FBXO16: variants seen among roughly 807,000 people sequenced by gnomAD.
The protein encoded by FBXO16 is F-box protein 16.
A neutral mutation model predicts 41.0 loss-of-function variants in FBXO16; 31 were observed. That is an observed-to-expected ratio of 0.76 (90% CI 0.57 to 1.02). The LOEUF is 1.02. Ranked by LOEUF, FBXO16 falls within the 50% of genes least tolerant of loss-of-function variation. FBXO16 has a pLI of 0.00. For synonymous variants in FBXO16, 133 were observed against 117.8 expected (o/e 1.13, Z -0.84); for missense variants, 361 against 346.2 (o/e 1.04, Z -0.34).
chr8:28,439,214 C>T (rs1473459668), intron 7 of FBXO16, among the ~76,000 whole-genome samples: 1 of 151,996 alleles, frequency 6.6e-6, no homozygotes, highest in Non-Finnish European at 1.5e-5. Context: ...TGTCATTATT[C>T]CCATTTTACA....
intron 6 of FBXO16, among the ~76,000 whole-genome samples, chr8:28,448,340 C>CAAAAAAAAAAAAAAAAAA (rs56323338): frequency 2.0e-5 from 1 of 49,866 alleles, no homozygotes; most frequent in Non-Finnish European, 4.2e-5. Flanking sequence ...GACCCTAAAT[C>CAAAAAAAAAAAAAAAAAA]AAAAAAAAAA....
intron 6 of FBXO16, among the ~76,000 whole-genome samples, chr8:28,451,516 T>C (rs1182651960): frequency 1.3e-5 from 2 of 151,322 alleles, no homozygotes; most frequent in East Asian, 3.9e-4. Flanking sequence ...CATGCCACCT[T>C]ACTCAGCTTT....
intron 1 of FBXO16, among the ~76,000 whole-genome samples, chr8:28,489,739 A>G (rs1197651624): frequency 6.6e-6 from 1 of 151,894 alleles, no homozygotes; most frequent in Non-Finnish European, 1.5e-5. Flanking sequence ...ACCCTTGTAG[A>G]ATTGTAGAAA....
intron 7 of FBXO16, among the ~76,000 whole-genome samples, chr8:28,439,688 G>A (rs1434526712): frequency 6.6e-6 from 1 of 151,764 alleles, no homozygotes; most frequent in Non-Finnish European, 1.5e-5. Context: ...TGAGGCTGCA[G>A]TGAGCTGTGA....
At chr8:28,477,054 C>T (rs994208571) in intron 2 of FBXO16, among the ~76,000 whole-genome samples, 1 of 152,036 alleles carries the variant, frequency 6.6e-6, no homozygotes, top group African/African-American at 2.4e-5. Context: ...CCAAAATTCA[C>T]AATGCTTGAA....
chr8:28,487,892 G>A (rs1257322858), intron 1 of FBXO16, among the ~76,000 whole-genome samples: 16 of 147,578 alleles, frequency 1.1e-4, no homozygotes, highest in African/African-American at 1.5e-4. Context: ...TTGCTCTGTC[G>A]CCCAGGCTGG....
chr8:28,469,520 T>C (rs1202209682), intron 3 of FBXO16, among the ~76,000 whole-genome samples: 1 of 152,138 alleles, frequency 6.6e-6, no homozygotes, highest in African/African-American at 2.4e-5. Flanking sequence ...TTTCTATACA[T>C]TCACACACAC....
chr8:28,482,915 G>C (rs573793880), intron 2 of FBXO16, among the ~76,000 whole-genome samples: 1 of 152,178 alleles, frequency 6.6e-6, no homozygotes, highest in South Asian at 2.1e-4. Context: ...TGAGTAATGT[G>C]AATAATCAGT....
chr8:28,445,428 C>T (rs1215762902), intron 7 of FBXO16, among the ~76,000 whole-genome samples: 2 of 152,146 alleles, frequency 1.3e-5, no homozygotes, highest in African/African-American at 2.4e-5. Context: ...TTTGACTGTG[C>T]TGATAATTTC....
intron 7 of FBXO16, among the ~76,000 whole-genome samples, chr8:28,445,100 T>G (rs1802843209): frequency 6.6e-6 from 1 of 152,026 alleles, no homozygotes; most frequent in African/African-American, 2.4e-5. Context: ...GCATACTTTT[T>G]GGGGGATTTA....
intron 7 of FBXO16, among the ~76,000 whole-genome samples, chr8:28,441,556 C>T (rs1189016511): frequency 1.3e-5 from 2 of 151,918 alleles, no homozygotes; most frequent in East Asian, 1.9e-4. Context: ...GCCAACATGG[C>T]GAAATCCTGT....
At chr8:28,430,640 C>T (rs1227874377) in intron 7 of FBXO16, among the ~76,000 whole-genome samples, 1 of 152,162 alleles carries the variant, frequency 6.6e-6, no homozygotes, top group African/African-American at 2.4e-5. Flanking sequence ...CAGGAAGCTT[C>T]CTCTATGCTC....
chr8:28,435,997 G>C (rs1460195047), intron 7 of FBXO16, among the ~76,000 whole-genome samples: 1 of 152,228 alleles, frequency 6.6e-6, no homozygotes, highest in African/African-American at 2.4e-5. Flanking sequence ...GGTTTTAGCA[G>C]TGCAAGCACA....
At chr8:28,456,611 C>T (rs994582492) in intron 5 of FBXO16, 155 bp downstream of exon 5, 5 of 865,036 alleles carry the variant, frequency 5.8e-6, no homozygotes, top group South Asian at 3.9e-5. Context: ...TTGAAAACAA[C>T]TATCAAGTCT....
intron 1 of FBXO16, among the ~76,000 whole-genome samples, chr8:28,486,002 A>G (rs558819918): frequency 1.5e-4 from 23 of 151,536 alleles, no homozygotes; most frequent in Non-Finnish European, 2.5e-4. Context: ...GCTACTCAGG[A>G]GGCTGAGGCA....
At position 28,428,558 on chromosome 8, in the gene FBXO16, T is replaced by C. The variant is rs1239970073; in HGVS notation, c.*169A>G. The C allele has an allele frequency of 3.9e-6, 6 of 1,548,626 alleles. No individual in the cohort carries two copies. The highest frequency in any genetic ancestry group is 3.5e-6 in the Non-Finnish European group (4 of 1,146,700). ...CATTTCTATAATAAAAGTCTTTCCA[T>C]GTTCAGTCCACTTTGGCTCTGGAAC... On this transcript the variant is annotated 3_prime_UTR_variant, in exon 9 of 9. Coordinates refer to ENST00000380254, the MANE Select transcript of FBXO16 (RefSeq NM_172366.4).
At chr8:28,450,108 G>A (rs1802929871) in intron 6 of FBXO16, among the ~76,000 whole-genome samples, 1 of 152,034 alleles carries the variant, frequency 6.6e-6, no homozygotes, top group Admixed American at 6.6e-5. Flanking sequence ...TCATACTGGT[G>A]TAAAGACCAA....
At chr8:28,457,027 G>A (rs1033464901) in intron 4 of FBXO16, 97 bp from the exon 5 acceptor site, 2 of 1,379,226 alleles carry the variant, frequency 1.5e-6, no homozygotes, top group African/African-American at 2.9e-5. Flanking sequence ...TCCTGGACCT[G>A]AGAAAACTTT....
At chr8:28,463,520 A>G (rs1054502076) in intron 4 of FBXO16, 92 bp downstream of exon 4, 6 of 1,215,584 alleles carry the variant, frequency 4.9e-6, no homozygotes, top group Non-Finnish European at 3.5e-6. Context: ...GTGTGTGTGT[A>G]TGCCTGTGTT....
Sources: gnomAD v4.1 joint callset for allele counts (sites outside exome capture counted in the v4.1 genomes callset) on GRCh38, gnomAD v4.1.1 for gene constraint, MANE v1.5 for transcripts, NCBI Gene and HGNC (gene_info 2026-07-23, HGNC 2026-07-21) for gene names.